The following TENM1 variants were observed in gnomAD, a reference collection of about 807,000 sequenced individuals.
TENM1 encodes the protein teneurin transmembrane protein 1.
TENM1 carries 35 observed loss-of-function variants against 174.8 expected under a neutral mutation model. The observed-to-expected ratio is 0.20, with a 90% CI of 0.15 to 0.27. The LOEUF is 0.27. Ranked by LOEUF, TENM1 falls within the 10% of genes least tolerant of loss-of-function variation. The pLI, the probability that TENM1 is intolerant of heterozygous loss-of-function variation, is 1.00. For missense variants in TENM1, 1,633 were observed against 2,130.1 expected (o/e 0.77, Z 4.59); for synonymous variants, 781 against 798.7 (o/e 0.98, Z 0.37).
intron 11 of TENM1, among the ~76,000 whole-genome samples, chrX:124,575,268 TCTC>T (rs1328932274): frequency 1.8e-5 from 2 of 111,893 alleles, no homozygotes; most frequent in Non-Finnish European, 3.8e-5. Context: ...TATAATAGTA[TCTC>T]CTCATTTTAA....
At chrX:125,058,277 T>A in the TENM1 span, among the ~76,000 whole-genome samples, 5 of 111,919 alleles carry the variant, frequency 4.5e-5, no homozygotes, top group Non-Finnish European at 9.4e-5. Context: ...TGAGGAATCA[T>A]TTTTTGCCTA....
exon 19 of TENM1, chrX:124,503,678 C>T (rs747527506): frequency 2.0e-5 from 24 of 1,199,798 alleles, no homozygotes; most frequent in South Asian, 1.8e-4. Flanking sequence ...AGTCAGGGCA[C>T]GTTTCATATT....
At position 124,515,942 on chromosome X, in the gene TENM1, T is replaced by G. The variant is rs770702099; in HGVS notation, c.3301+4575A>C. 4.5e-5 allele frequency among the ~76,000 whole-genome samples: 5 copies of G among 111,197 alleles called. No individual in the cohort carries two copies. The South Asian group carries it at 1.9e-3, about 42-fold the overall frequency. On this transcript the variant is annotated intron_variant, in intron 18 of 31. Coordinates refer to ENST00000422452, the Ensembl canonical transcript of TENM1. ...AGCTGGAGGCATCACATTACTCAAC[T>G]TCAAACTATACTACAGGGTTACAGT...
intron 15 of TENM1, among the ~76,000 whole-genome samples, chrX:124,542,216 A>T (rs2048335095): frequency 8.9e-6 from 1 of 112,473 alleles, no homozygotes; most frequent in African/African-American, 3.2e-5. Context: ...GAATTGTTTT[A>T]ATCCATTACT....
the TENM1 span, among the ~76,000 whole-genome samples, chrX:125,106,556 C>T: frequency 9.1e-6 from 1 of 110,073 alleles, no homozygotes; most frequent in East Asian, 2.9e-4. Context: ...ACTACGGGCG[C>T]CCGCCACCAC....
At chrX:124,580,123 A>T (rs2049265626) in intron 11 of TENM1, among the ~76,000 whole-genome samples, 1 of 111,860 alleles carries the variant, frequency 8.9e-6, no homozygotes, top group Non-Finnish European at 1.9e-5. Flanking sequence ...GGTGGTGCTA[A>T]TTCATCGGCA....
chrX:124,496,927 G>A (rs1311703228), intron 20 of TENM1, 89 bp downstream of exon 23: 10 of 991,994 alleles, frequency 1.0e-5, no homozygotes, highest in Non-Finnish European at 1.4e-5. Context: ...TACATTTTCT[G>A]CTTCTACTGG....
intron 3 of TENM1, among the ~76,000 whole-genome samples, chrX:124,892,175 C>T (rs942080110): frequency 8.3e-4 from 93 of 111,755 alleles, no homozygotes; most frequent in Non-Finnish European, 6.2e-4. Context: ...GAATCTGCAT[C>T]TTTCTTGACA....
the TENM1 span, among the ~76,000 whole-genome samples, chrX:125,195,985 G>A: frequency 9.9e-6 from 1 of 100,629 alleles, no homozygotes; most frequent in East Asian, 3.0e-4. Flanking sequence ...AAAAAAAGAA[G>A]GAAGGAGGGA....
chrX:124,387,166 A>G (rs1464732003), intron 28 of TENM1, among the ~76,000 whole-genome samples: 1 of 108,264 alleles, frequency 9.2e-6, no homozygotes, highest in Non-Finnish European at 1.9e-5. Flanking sequence ...TTGTGTTTTA[A>G]TATTAGGGAA....
At chrX:124,420,503 C>T (rs750021238) in exon 25 of TENM1, 10 of 1,210,856 alleles carry the variant, frequency 8.3e-6, no homozygotes, top group Admixed American at 6.5e-5. Context: ...TGCATCACGG[C>T]GAATGTGCAC....
At chrX:124,784,262 A>T (rs1368508885) in intron 3 of TENM1, among the ~76,000 whole-genome samples, 1 of 111,492 alleles carries the variant, frequency 9.0e-6, no homozygotes, top group East Asian at 2.8e-4. Context: ...GAATTAGCAG[A>T]CCAGGGTTTT....
chrX:124,407,536 C>T (rs949996426), intron 25 of TENM1, among the ~76,000 whole-genome samples: 2 of 112,382 alleles, frequency 1.8e-5, no homozygotes, highest in African/African-American at 3.2e-5. Context: ...CCTCCCCCAA[C>T]GATTACACAA....
chrX:124,832,065 A>G (rs1398957052), intron 3 of TENM1, among the ~76,000 whole-genome samples: 1 of 111,695 alleles, frequency 9.0e-6, no homozygotes, highest in Non-Finnish European at 1.9e-5. Context: ...TTGTTTTATC[A>G]CATCCCAGAG....
At chrX:125,178,832 C>T in the TENM1 span, among the ~76,000 whole-genome samples, 2 of 110,956 alleles carry the variant, frequency 1.8e-5, no homozygotes, top group African/African-American at 6.6e-5. Flanking sequence ...TCTAGCCTGG[C>T]ATGGTGGCTC....
chrX:124,783,539 T>C (rs2054965843), intron 3 of TENM1, among the ~76,000 whole-genome samples: 1 of 110,918 alleles, frequency 9.0e-6, no homozygotes, highest in South Asian at 3.8e-4. Flanking sequence ...GTGAGAAGGG[T>C]ATAGTTTAGT....
chrX:124,723,592 T>G lies in TENM1; in HGVS notation c.776+13365A>C, dbSNP rs778523431. On this transcript the variant is annotated intron_variant, in intron 4 of 31. Coordinates refer to ENST00000422452, the Ensembl canonical transcript of TENM1. ...TCTGGAAGCAGACATATCTGGTGGG[T>G]TTTTTTTTTTGTTTTTTTTTTTTTT... Among the ~76,000 whole-genome samples, 500 of 93,972 alleles carry G rather than the reference T, an allele frequency of 5.3e-3. 3 individuals are homozygous for G. The highest frequency in any genetic ancestry group is 7.3e-3 in the Non-Finnish European group (351 of 48,321). 81.6% of individuals were successfully genotyped at this position (93,972 alleles called of 115,157 possible).
intron 11 of TENM1, among the ~76,000 whole-genome samples, chrX:124,574,849 A>G (rs772368009): frequency 1.3e-4 from 15 of 112,057 alleles, no homozygotes; most frequent in Non-Finnish European, 2.6e-4. Flanking sequence ...CAATGATTCA[A>G]CTAATAACAG....
the TENM1 span, chrX:125,204,048 G>C: frequency 1.8e-5 from 2 of 113,779 alleles, no homozygotes; most frequent in African/African-American, 3.2e-5. Flanking sequence ...ACCGAACCTA[G>C]CTACTATTGC....
Sources: gnomAD v4.1 joint callset for allele counts (sites outside exome capture counted in the v4.1 genomes callset) on GRCh38, gnomAD v4.1.1 for gene constraint, MANE v1.5 for transcripts, NCBI Gene and HGNC (gene_info 2026-07-23, HGNC 2026-07-21) for gene names.